Variants in CACNA2D1 observed in about 807,000 individuals in gnomAD.
CACNA2D1 encodes calcium voltage-gated channel auxiliary subunit alpha2delta 1.
A neutral mutation model predicts 171.5 loss-of-function variants in CACNA2D1; 53 were observed. The ratio of observed to expected loss-of-function variants is 0.31; its 90% CI spans 0.25 to 0.39. The LOEUF is 0.39. CACNA2D1 is among the 10% of genes least tolerant of loss of function. CACNA2D1 has a pLI of 1.00. For missense variants in CACNA2D1, 903 were observed against 1,299.8 expected, an observed-to-expected ratio of 0.69 and a Z score of 4.69; for synonymous variants, 442 against 443.1, an observed-to-expected ratio of 1.00 and a Z score of 0.03.
At chr7:82,034,825 T>C (rs1215638551) in intron 11 of CACNA2D1, among the ~76,000 whole-genome samples, 1 of 152,110 alleles carries the variant, frequency 6.6e-6, no homozygotes, top group Non-Finnish European at 1.5e-5. Flanking sequence ...ATCATTTGTA[T>C]ACTTACGTAA....
At chr7:82,121,651 T>C (rs1397413748) in intron 5 of CACNA2D1, among the ~76,000 whole-genome samples, 1 of 152,226 alleles carries the variant, frequency 6.6e-6, no homozygotes, top group Non-Finnish European at 1.5e-5. Context: ...ATGAGTTGGA[T>C]GACACTGAAT....
chr7:82,318,833 A>T (rs1490483644), intron 3 of CACNA2D1, among the ~76,000 whole-genome samples: 1 of 152,130 alleles, frequency 6.6e-6, no homozygotes, highest in Non-Finnish European at 1.5e-5. Flanking sequence ...GAAGACAAAT[A>T]GGAAAGGCAA....
chr7:81,961,971 A>T lies in CACNA2D1; in HGVS notation c.2889T>A (p.Ile963=). Residue 963 remains isoleucine, a synonymous_variant, in exon 36 of 39, where the codon ATT becomes ATA. Coordinates refer to ENST00000356860, the MANE Select transcript of CACNA2D1 (RefSeq NM_000722.4). ...CGAAGAAATACTGGGTTTGTTCAGTAATGCAGCTCTGCTTGGACAGGGAGG... is the reference window on the plus strand; with the variant it reads ...CGAAGAAATACTGGGTTTGTTCAGTTATGCAGCTCTGCTTGGACAGGGAGG... The part of the protein sequence containing the change: ...FTASLSKQSC[I]TEQTQYFFDN... 6.2e-7 allele frequency: 1 copy of T among 1,612,172 alleles called. No individual in the cohort carries two copies. Among genetic ancestry groups the T allele is most frequent in the Non-Finnish European group, 8.5e-7 (1 of 1,178,652 alleles).
chr7:81,985,293 C>T (rs984106535), intron 21 of CACNA2D1, among the ~76,000 whole-genome samples: 3 of 150,776 alleles, frequency 2.0e-5, no homozygotes, highest in African/African-American at 7.4e-5. Flanking sequence ...CCTAAATCCC[C>T]TGGGCTCAAT....
At chr7:82,159,581 T>C (rs1369171748) in intron 4 of CACNA2D1, among the ~76,000 whole-genome samples, 2 of 151,632 alleles carry the variant, frequency 1.3e-5, no homozygotes, top group Admixed American at 1.3e-4. Flanking sequence ...CTCAGATAAA[T>C]TACAGATCTG....
chr7:82,304,350 CAAA>C (rs57228879), intron 3 of CACNA2D1, among the ~76,000 whole-genome samples: 3 of 122,444 alleles, frequency 2.5e-5, no homozygotes, highest in Non-Finnish European at 1.8e-5. Flanking sequence ...GATATTAATC[CAAA>C]AAAAAAAAAA....
chr7:82,146,154 ACTATGTTTAATAAC>A (rs537189834), intron 4 of CACNA2D1, among the ~76,000 whole-genome samples: 31 of 151,864 alleles, frequency 2.0e-4, no homozygotes, highest in African/African-American at 7.5e-4. Context: ...ATGTGTCTTT[ACTATGTTTAATAAC>A]CTAACTGCAA....
chr7:82,133,250 A>G (rs1791213007), intron 5 of CACNA2D1, among the ~76,000 whole-genome samples: 1 of 152,190 alleles, frequency 6.6e-6, no homozygotes, highest in African/African-American at 2.4e-5. Flanking sequence ...ATTATTATGA[A>G]ATCCATATTA....
chr7:82,015,995 C>G (rs570573286), intron 12 of CACNA2D1, among the ~76,000 whole-genome samples: 3 of 152,298 alleles, frequency 2.0e-5, no homozygotes, highest in Non-Finnish European at 4.4e-5. Flanking sequence ...ATAATCCAAG[C>G]TTTAAATACT....
chr7:82,067,756 T>A (rs1168430833), intron 7 of CACNA2D1, among the ~76,000 whole-genome samples: 1 of 152,138 alleles, frequency 6.6e-6, no homozygotes, highest in Non-Finnish European at 1.5e-5. Flanking sequence ...GCACTAGAAT[T>A]AAGTAACAAG....
chr7:82,314,949 C>G (rs567409300), intron 3 of CACNA2D1, among the ~76,000 whole-genome samples: 1 of 151,484 alleles, frequency 6.6e-6, no homozygotes, highest in Non-Finnish European at 1.5e-5. Context: ...CTTCATCTCT[C>G]CTGCTCTAAA....
At chr7:82,285,111 T>A (rs542867086) in intron 3 of CACNA2D1, among the ~76,000 whole-genome samples, 1 of 152,132 alleles carries the variant, frequency 6.6e-6, no homozygotes, top group South Asian at 2.1e-4. Flanking sequence ...TCACTGCACA[T>A]AGACATGTAA....
At chr7:82,296,132 A>T (rs893866508) in intron 3 of CACNA2D1, among the ~76,000 whole-genome samples, 3 of 151,814 alleles carry the variant, frequency 2.0e-5, no homozygotes, top group Non-Finnish European at 4.4e-5. Context: ...GGGGGGAGGG[A>T]TAGCATTAGG....
At chr7:82,285,971 T>C (rs73704203) in intron 3 of CACNA2D1, among the ~76,000 whole-genome samples, 1 of 152,330 alleles carries the variant, frequency 6.6e-6, no homozygotes, top group African/African-American at 2.4e-5. Flanking sequence ...CCTGAGGAAC[T>C]GAAAGCATTT....
At chr7:82,096,789 AG>A (rs752258179) in intron 6 of CACNA2D1, among the ~76,000 whole-genome samples, 3 of 151,824 alleles carry the variant, frequency 2.0e-5, no homozygotes, top group Non-Finnish European at 4.4e-5. Flanking sequence ...AGAAAGAAAA[AG>A]GTCTAACTCC....
intron 1 of CACNA2D1, among the ~76,000 whole-genome samples, chr7:82,414,527 A>G (rs536611748): frequency 2.0e-5 from 3 of 152,336 alleles, no homozygotes; most frequent in South Asian, 2.1e-4. Context: ...AATCTATTGC[A>G]TACTAATTTG....
intron 3 of CACNA2D1, among the ~76,000 whole-genome samples, chr7:82,272,713 A>G (rs1248331584): frequency 1.3e-5 from 2 of 152,288 alleles, no homozygotes; most frequent in East Asian, 1.9e-4. Context: ...TCAGCGTAAT[A>G]TCCTAGTACT....
chr7:82,369,727 T>G (rs1304398817), intron 1 of CACNA2D1, among the ~76,000 whole-genome samples: 1 of 152,054 alleles, frequency 6.6e-6, no homozygotes. Flanking sequence ...ATATAGATAT[T>G]TCACCTTAGA....
At chr7:82,164,310 C>T (rs908323512) in intron 4 of CACNA2D1, among the ~76,000 whole-genome samples, 50 of 151,808 alleles carry the variant, frequency 3.3e-4, no homozygotes, top group Admixed American at 3.3e-3. Flanking sequence ...GTTTTATCCC[C>T]AAGAAGTTTA....
Sources: gnomAD v4.1 joint callset for allele counts (sites outside exome capture counted in the v4.1 genomes callset) on GRCh38, gnomAD v4.1.1 for gene constraint, MANE v1.5 for transcripts, NCBI Gene and HGNC (gene_info 2026-07-23, HGNC 2026-07-21) for gene names.